Variants in STAB1 observed in about 807,000 individuals in gnomAD.
STAB1 encodes the protein stabilin-1.
STAB1 carries 250 observed loss-of-function variants against 332.4 expected under a neutral mutation model. That is an observed-to-expected ratio of 0.75 (90% confidence interval 0.68 to 0.84). STAB1 has a LOEUF of 0.84. Ranked by LOEUF, STAB1 falls within the 40% of genes least tolerant of loss-of-function variation. The pLI is 0.00. For synonymous variants in STAB1, 1,475 were observed against 1,390.4 expected (o/e 1.06, Z -1.35); for missense variants, 3,249 against 3,489.7 (o/e 0.93, Z 1.74).
chr3:52,515,372 TGCCCCTGCCCAA>T (rs746507718), intron 36 of STAB1, 39 bp from the exon 37 acceptor site: 1 of 1,571,406 alleles, frequency 6.4e-7, no homozygotes, highest in African/African-American at 1.3e-5. Context: ...TTCACTGCCC[TGCCCCTGCCCAA>T]GCCACTGGCT....
intron 1 of STAB1, among the ~76,000 whole-genome samples, chr3:52,499,434 T>C (rs1708271697): frequency 6.6e-6 from 1 of 152,236 alleles, no homozygotes; most frequent in Non-Finnish European, 1.5e-5. Flanking sequence ...ACCCAGTTGC[T>C]GAGACCTTCT....
Sources: allele counts gnomAD v4.1 joint callset (sites outside exome capture counted in the v4.1 genomes callset), GRCh38; gene constraint gnomAD v4.1.1; transcripts MANE v1.5; gene names NCBI Gene and HGNC (gene_info 2026-07-23, HGNC 2026-07-21).